Variants in IPO7 observed in about 807,000 individuals in gnomAD.
IPO7 encodes importin-7.
In IPO7, 13 loss-of-function variants were observed where a neutral mutation model predicts 136.4. That is an observed-to-expected ratio of 0.10 (90% confidence interval 0.06 to 0.15). IPO7 has a LOEUF of 0.15. Among genes scored for constraint, IPO7 ranks in the 10% least tolerant of loss-of-function variants. The pLI is 1.00. For missense variants in IPO7, 857 were observed against 1,240.6 expected, an observed-to-expected ratio of 0.69 and a Z score of 4.65; for synonymous variants, 403 against 404.4, an observed-to-expected ratio of 1.00 and a Z score of 0.04.
At chr11:9,440,409 C>A in intron 22 of IPO7, 46 bp from the exon 23 acceptor site, 1 of 1,482,240 alleles carries the variant, frequency 6.7e-7, no homozygotes. Flanking sequence ...TGTTGAGTAA[C>A]AAAATATGTC....
At chr11:9,412,889 A>ATT (rs1163764184) in intron 4 of IPO7, among the ~76,000 whole-genome samples, 2,493 of 126,312 alleles carry the variant, frequency 0.02, 86 homozygotes, top group African/African-American at 0.066. Context: ...TGATTGATTG[A>ATT]TTTTTTTTTT....
chr11:9,422,408 G>GT (rs983756723), intron 8 of IPO7, among the ~76,000 whole-genome samples: 1,660 of 145,778 alleles, frequency 0.011, 36 homozygotes, highest in African/African-American at 0.036. Flanking sequence ...ACACAGTTTT[G>GT]TTTTTTTTTT....
At chr11:9,419,331 C>T (rs749152987) in intron 6 of IPO7, among the ~76,000 whole-genome samples, 3 of 151,606 alleles carry the variant, frequency 2.0e-5, no homozygotes, top group Non-Finnish European at 2.9e-5. Flanking sequence ...GGGCGGATCA[C>T]GAGGTTAGGA....
rs530209324 is a variant in IPO7 at position 9,420,242 on chromosome 11, G to C, written c.727-169G>C. 3.1e-5 allele frequency: 16 copies of C among 519,546 alleles called. No individual in the cohort carries two copies. In the Admixed American group the frequency reaches 3.6e-4, roughly 12 times the overall value. The allele number at this position is 519,546 out of a possible 1,614,324, so 32.2% of individuals were successfully genotyped here. ...TGAGGCGGGAGAATTGTGTGAACTCGGGAGGCGGAGCTTGCAGTGAGCTGA... is the reference window on the plus strand; with the variant it reads ...TGAGGCGGGAGAATTGTGTGAACTCCGGAGGCGGAGCTTGCAGTGAGCTGA... On this transcript the variant is annotated intron_variant, in intron 6 of 24. Coordinates refer to ENST00000379719, the MANE Select transcript of IPO7 (RefSeq NM_006391.3).
intron 19 of IPO7, 111 bp downstream of exon 19, chr11:9,435,142 T>C: frequency 1.4e-6 from 1 of 703,100 alleles, no homozygotes; most frequent in Non-Finnish European, 2.4e-6. Context: ...AACATGGATC[T>C]GACAGAATTA....
At chr11:9,416,836 C>T (rs192665221) in intron 5 of IPO7, among the ~76,000 whole-genome samples, 2 of 152,288 alleles carry the variant, frequency 1.3e-5, no homozygotes, top group Admixed American at 1.3e-4. Flanking sequence ...ATAAATATCA[C>T]ACCTTATGGT....
At chr11:9,444,371 T>A (rs1270424695) in intron 24 of IPO7, among the ~76,000 whole-genome samples, 1 of 151,122 alleles carries the variant, frequency 6.6e-6, no homozygotes, top group African/African-American at 2.4e-5. Context: ...ATTAAAAAAA[T>A]TATTTTATTT....
chr11:9,417,977 T>C (rs1855065854), intron 6 of IPO7, among the ~76,000 whole-genome samples: 1 of 151,914 alleles, frequency 6.6e-6, no homozygotes, highest in African/African-American at 2.4e-5. Flanking sequence ...CCTCCCAAAG[T>C]GCTGGGATTA....
At chr11:9,413,125 G>A (rs930045267) in intron 4 of IPO7, among the ~76,000 whole-genome samples, 5 of 152,072 alleles carry the variant, frequency 3.3e-5, no homozygotes, top group African/African-American at 7.2e-5. Context: ...TGATCCTCCC[G>A]CCTCGGCCTC....
rs777339113 is a variant in IPO7 at position 9,408,456 on chromosome 11, A to C, written c.167-30A>C. ...TTTTCACAGTACTTTCACAGTAAAC[A>C]TTCTTTTGTCAAACTGATCTGTATT... is the stretch of plus-strand genomic sequence containing the variant. On this transcript the variant is annotated intron_variant, in intron 2 of 24. Transcript: ENST00000379719. 4.3e-6 allele frequency: 6 copies of C among 1,396,064 alleles called. No homozygotes were observed. In the South Asian group the frequency reaches 8.3e-5, roughly 19 times the overall value. The allele number at this position is 1,396,064 out of a possible 1,614,324, so 86.5% of individuals were successfully genotyped here. A position where few individuals can be genotyped will look rare whatever the true frequency, so the allele number is the denominator to read the frequency against.
intron 22 of IPO7, among the ~76,000 whole-genome samples, chr11:9,439,814 C>T (rs941153779): frequency 6.6e-6 from 1 of 152,082 alleles, no homozygotes; most frequent in African/African-American, 2.4e-5. Flanking sequence ...ACCTCATGAT[C>T]TGCCTGCCTT....
At chr11:9,430,723 A>T in intron 15 of IPO7, 152 bp from the exon 16 acceptor site, 1 of 647,288 alleles carries the variant, frequency 1.5e-6, no homozygotes, top group Non-Finnish European at 2.6e-6. Context: ...ATTTGATTAT[A>T]GAGCTTAAGC....
chr11:9,413,219 A>G (rs1393398394), intron 4 of IPO7, among the ~76,000 whole-genome samples: 1 of 151,428 alleles, frequency 6.6e-6, no homozygotes, highest in Non-Finnish European at 1.5e-5. Context: ...TTTTTTTGAG[A>G]TTGAGTCTCT....
intron 5 of IPO7, among the ~76,000 whole-genome samples, chr11:9,416,716 A>G (rs1855046773): frequency 6.6e-6 from 1 of 152,220 alleles, no homozygotes; most frequent in African/African-American, 2.4e-5. Context: ...CAGATAAAGC[A>G]TTTGATAAAA....
At chr11:9,392,393 C>A (rs1854648889) in intron 1 of IPO7, 1 of 237,156 alleles carries the variant, frequency 4.2e-6, no homozygotes, top group Non-Finnish European at 8.6e-6. Flanking sequence ...GTAGGCTGGT[C>A]TCGAACTCCC....
At chr11:9,413,130 G>A (rs531531340) in intron 4 of IPO7, among the ~76,000 whole-genome samples, 2 of 151,904 alleles carry the variant, frequency 1.3e-5, no homozygotes, top group African/African-American at 2.4e-5. Context: ...CTCCCGCCTC[G>A]GCCTCCCAAA....
chr11:9,416,350 GT>G (rs1855042352), intron 5 of IPO7, among the ~76,000 whole-genome samples: 1 of 152,118 alleles, frequency 6.6e-6, no homozygotes, highest in Non-Finnish European at 1.5e-5. Flanking sequence ...TTATTCTTTT[GT>G]TAAGTAATTT....
intron 2 of IPO7, among the ~76,000 whole-genome samples, chr11:9,404,300 C>T (rs1324509821): frequency 6.6e-6 from 1 of 151,608 alleles, no homozygotes; most frequent in Non-Finnish European, 1.5e-5. Flanking sequence ...CCCGTCTCTA[C>T]TAAAAATACA....
intron 18 of IPO7, among the ~76,000 whole-genome samples, chr11:9,434,148 C>G (rs1197988510): frequency 6.6e-6 from 1 of 152,058 alleles, no homozygotes; most frequent in Non-Finnish European, 1.5e-5. Flanking sequence ...GTCTCGAACT[C>G]CCGACCTGAG....
Sources: gnomAD v4.1 joint callset for allele counts (sites outside exome capture counted in the v4.1 genomes callset) on GRCh38, gnomAD v4.1.1 for gene constraint, MANE v1.5 for transcripts, NCBI Gene and HGNC (gene_info 2026-07-23, HGNC 2026-07-21) for gene names.